TRAK2: variants seen among roughly 807,000 people sequenced by gnomAD.
The protein encoded by TRAK2 is trafficking kinesin protein 2, also known as trafficking kinesin-binding protein 2.
TRAK2 carries 81 observed loss-of-function variants against 104.6 expected under a neutral mutation model. The ratio of observed to expected loss-of-function variants is 0.77; its 90% confidence interval spans 0.65 to 0.93. TRAK2 has a LOEUF of 0.93. Ranked by LOEUF, TRAK2 falls within the 40% of genes least tolerant of loss-of-function variation. The pLI, the probability that TRAK2 is intolerant of heterozygous loss-of-function variation, is 0.00. For synonymous variants in TRAK2, 406 were observed against 394.4 expected, an observed-to-expected ratio of 1.03 and a Z score of -0.35; for missense variants, 1,002 against 1,089.0, an observed-to-expected ratio of 0.92 and a Z score of 1.12.
At chr2:201,434,764 A>C (rs1290882564) in intron 1 of TRAK2, among the ~76,000 whole-genome samples, 1 of 152,222 alleles carries the variant, frequency 6.6e-6, no homozygotes, top group Non-Finnish European at 1.5e-5. Flanking sequence ...CCAGAGTGAC[A>C]GTATCAAAGG....
chr2:201,437,454 T>C (rs1362722994), intron 1 of TRAK2, among the ~76,000 whole-genome samples: 1 of 152,190 alleles, frequency 6.6e-6, no homozygotes. Context: ...ATACTGGAAA[T>C]CTCAGTATCA....
Position 201,392,969 on chromosome 2 carries a change from A to G in TRAK2, c.1053T>C (p.Arg351=). 6.2e-7 allele frequency: 1 copy of G among 1,613,792 alleles called. No homozygotes were observed. The highest frequency in any genetic ancestry group is 8.5e-7 in the Non-Finnish European group (1 of 1,179,820). Residue 351 remains arginine, a synonymous_variant, in exon 10 of 16, where the codon CGT becomes CGC. Transcript: ENST00000332624. ...GATGAGCAGTAGGGCCAGATCTACT[A>G]CGAAGTTCCTTTATTTCTTCTTGGG... The part of the protein sequence containing the change: ...HESQEEIKEL[R]SRSGPTAHLY...
intron 3 of TRAK2, among the ~76,000 whole-genome samples, chr2:201,405,213 G>A (rs1232353478): frequency 6.6e-6 from 1 of 152,158 alleles, no homozygotes. Context: ...TATGGTTAAT[G>A]CTTCCTGAAC....
intron 1 of TRAK2, among the ~76,000 whole-genome samples, chr2:201,449,713 C>T (rs1422961136): frequency 6.6e-6 from 1 of 151,118 alleles, no homozygotes; most frequent in African/African-American, 2.4e-5. Context: ...GGGGTGCAAT[C>T]TTGGCTCACT....
chr2:201,398,420 T>C, intron 5 of TRAK2, 66 bp from the exon 6 acceptor site: 1 of 1,357,572 alleles, frequency 7.4e-7, no homozygotes, highest in Non-Finnish European at 1.0e-6. Flanking sequence ...ATATAGCTTC[T>C]AATTCATGGA....
At chr2:201,440,443 T>G (rs1951912312) in intron 1 of TRAK2, among the ~76,000 whole-genome samples, 1 of 152,198 alleles carries the variant, frequency 6.6e-6, no homozygotes, top group Non-Finnish European at 1.5e-5. Context: ...CCTCTTTCTT[T>G]CATCCCTCCA....
intron 1 of TRAK2, among the ~76,000 whole-genome samples, chr2:201,442,218 C>T (rs1274158852): frequency 6.6e-6 from 1 of 151,130 alleles, no homozygotes; most frequent in African/African-American, 2.4e-5. Flanking sequence ...GTGAAACCCC[C>T]GTCTCTACTA....
At chr2:201,434,004 C>T (rs1328204650) in intron 1 of TRAK2, among the ~76,000 whole-genome samples, 1 of 152,038 alleles carries the variant, frequency 6.6e-6, no homozygotes, top group Non-Finnish European at 1.5e-5. Context: ...TTTGCCCAGG[C>T]CGGACTGCAG....
At chr2:201,405,121 G>A (rs11691118) in intron 3 of TRAK2, among the ~76,000 whole-genome samples, 87,676 of 152,012 alleles carry the variant, frequency 0.58, 26,401 homozygotes, top group South Asian at 0.69. Context: ...GTCTTAGGGT[G>A]TATAGCTTAA....
At chr2:201,391,518 T>A (rs1168417455) in intron 10 of TRAK2, among the ~76,000 whole-genome samples, 1 of 152,200 alleles carries the variant, frequency 6.6e-6, no homozygotes, top group Non-Finnish European at 1.5e-5. Flanking sequence ...ACAGGATACT[T>A]AGTCTCAAAG....
At chr2:201,403,546 GT>G (rs1412205181) in intron 3 of TRAK2, among the ~76,000 whole-genome samples, 1 of 152,142 alleles carries the variant, frequency 6.6e-6, no homozygotes, top group Non-Finnish European at 1.5e-5. Context: ...GTGAATGCAT[GT>G]TATATAATAA....
At chr2:201,411,248 C>T in intron 2 of TRAK2, 1 of 729,098 alleles carries the variant, frequency 1.4e-6, no homozygotes, top group South Asian at 1.5e-5. Flanking sequence ...GGCCTTTCAA[C>T]TTCTATGCCT....
chr2:201,396,953 T>C (rs1034967494), intron 7 of TRAK2, among the ~76,000 whole-genome samples: 12 of 152,212 alleles, frequency 7.9e-5, no homozygotes, highest in Admixed American at 2.0e-4. Context: ...GAAGTGAAAC[T>C]GCAGGTAAGG....
rs150363427 is a variant in TRAK2 at position 201,392,531 on chromosome 2, T to C, written c.1113+378A>G. Among the ~76,000 whole-genome samples the C allele has an allele frequency of 7.6e-4, 115 of 152,220 alleles. 3 individuals are homozygous for C. In the East Asian group the frequency reaches 0.021, roughly 28 times the overall value. On this transcript the variant is annotated intron_variant, in intron 10 of 15. Coordinates refer to ENST00000332624, the MANE Select transcript of TRAK2 (RefSeq NM_015049.3). Reference sequence around the variant, plus strand: ...CTTACATTCTAACAAGTTAAAAATATCAGGAGACTCAAGATTTATTGAAAG... The same window carrying C: ...CTTACATTCTAACAAGTTAAAAATACCAGGAGACTCAAGATTTATTGAAAG...
intron 1 of TRAK2, among the ~76,000 whole-genome samples, chr2:201,421,135 A>T (rs960754581): frequency 6.6e-6 from 1 of 152,244 alleles, no homozygotes; most frequent in Non-Finnish European, 1.5e-5. Flanking sequence ...TAAAAAGATA[A>T]CTGTTTAAAG....
rs878971623 is a variant in TRAK2 at position 201,379,511 on chromosome 2, A to T, written c.*1032T>A. 6.6e-6 allele frequency: 1 copy of T among 152,606 alleles called. No homozygotes were observed. Among genetic ancestry groups the T allele is most frequent in the African/African-American group, 2.4e-5 (1 of 41,446 alleles). The allele number at this position is 152,606 out of a possible 1,614,324, so 9.5% of individuals were successfully genotyped here. On this transcript the variant is annotated 3_prime_UTR_variant, in exon 16 of 16. Coordinates refer to ENST00000332624, the MANE Select transcript of TRAK2 (RefSeq NM_015049.3). ...TGCCTGAGAATTTTTGTGCAAATAC[A>T]TGTCATCTTTCATTAAAAATATGCA...
chr2:201,427,803 T>C (rs1294830878), intron 1 of TRAK2, among the ~76,000 whole-genome samples: 2 of 152,204 alleles, frequency 1.3e-5, no homozygotes, highest in East Asian at 1.9e-4. Flanking sequence ...GTAAAAGTAT[T>C]CCTATTTCTC....
At chr2:201,386,965 A>C (rs1348527220) in intron 13 of TRAK2, among the ~76,000 whole-genome samples, 1 of 152,238 alleles carries the variant, frequency 6.6e-6, no homozygotes, top group African/African-American at 2.4e-5. Context: ...ACCCTGGTGA[A>C]TGATCATCCC....
intron 7 of TRAK2, among the ~76,000 whole-genome samples, chr2:201,397,195 T>C (rs1047889859): frequency 6.6e-6 from 1 of 152,216 alleles, no homozygotes; most frequent in Non-Finnish European, 1.5e-5. Flanking sequence ...CATCTTCCTC[T>C]ACAGGACTAT....
Sources: allele counts gnomAD v4.1 joint callset (sites outside exome capture counted in the v4.1 genomes callset), GRCh38; gene constraint gnomAD v4.1.1; transcripts MANE v1.5; gene names NCBI Gene and HGNC (gene_info 2026-07-23, HGNC 2026-07-21).